DDX52: variants seen among roughly 807,000 people sequenced by gnomAD.
DDX52 encodes the protein DExD-box helicase 52.
DDX52 carries 59 observed loss-of-function variants against 76.1 expected under a neutral mutation model. That is an observed-to-expected ratio of 0.78 (90% confidence interval 0.63 to 0.96). The LOEUF is 0.96. Among genes scored for constraint, DDX52 ranks in the 40% least tolerant of loss-of-function variants. The pLI, the probability that DDX52 is intolerant of heterozygous loss-of-function variation, is 0.00. For missense variants in DDX52, 707 were observed against 703.9 expected, an observed-to-expected ratio of 1.00 and a Z score of -0.05; for synonymous variants, 231 against 244.1, an observed-to-expected ratio of 0.95 and a Z score of 0.50.
rs1272148178 is a variant in DDX52, at chr17:37,614,044, T to G, written c.*252A>C. On this transcript the variant is annotated 3_prime_UTR_variant, in exon 15 of 15. Coordinates refer to ENST00000617633, the MANE Select transcript of DDX52 (RefSeq NM_007010.5). ...TCAGGAGGCTAAGGCAGGAGGATTG[T>G]GTGAGGTCAGGAGTTCAAGACCAGC... 2.3e-5 allele frequency: 9 copies of G among 395,248 alleles called. No individual in the cohort carries two copies. Among genetic ancestry groups the G allele is most frequent in the Non-Finnish European group, 4.0e-5 (9 of 223,620 alleles). The allele number at this position is 395,248 out of a possible 1,614,324, so 24.5% of individuals were successfully genotyped here.
At chr17:37,638,013 A>G (rs1023334549) in intron 2 of DDX52, among the ~76,000 whole-genome samples, 24 of 152,254 alleles carry the variant, frequency 1.6e-4, no homozygotes, top group African/African-American at 5.5e-4. Flanking sequence ...TCAAGGTCCT[A>G]AAGCATTTCT....
intron 9 of DDX52, among the ~76,000 whole-genome samples, chr17:37,623,318 G>T (rs1018809512): frequency 6.6e-6 from 1 of 152,070 alleles, no homozygotes; most frequent in Non-Finnish European, 1.5e-5. Flanking sequence ...CCAGGTACTC[G>T]GGAGACTGAG....
chr17:37,639,321 T>C, intron 2 of DDX52: 1 of 867,994 alleles, frequency 1.2e-6, no homozygotes, highest in African/African-American at 1.8e-5. Flanking sequence ...TCTCATACCT[T>C]GCTGGAAGGC....
intron 2 of DDX52, among the ~76,000 whole-genome samples, chr17:37,641,422 C>G (rs1224252323): frequency 6.6e-6 from 1 of 151,478 alleles, no homozygotes; most frequent in Non-Finnish European, 1.5e-5. Context: ...AATGCTCGAC[C>G]TCACCAGTTA....
At chr17:37,616,299 C>A (rs1206409618) in intron 14 of DDX52, among the ~76,000 whole-genome samples, 1 of 152,144 alleles carries the variant, frequency 6.6e-6, no homozygotes, top group Non-Finnish European at 1.5e-5. Flanking sequence ...AGGTTCGCTA[C>A]CAATCCACTG....
chr17:37,614,013 A>G lies in DDX52; in HGVS notation c.*283T>C. ...TGCAGCAGCTTGTGCCTGTAATCTC[A>G]GTTACTCAGGAGGCTAAGGCAGGAG... On this transcript the variant is annotated 3_prime_UTR_variant, in exon 15 of 15. Transcript: ENST00000617633. The G allele has an allele frequency of 3.1e-6, 1 of 326,326 alleles. No individual in the cohort carries two copies. The highest frequency in any genetic ancestry group is 5.5e-6 in the Non-Finnish European group (1 of 180,824). The allele number at this position is 326,326 out of a possible 1,614,324, so 20.2% of individuals were successfully genotyped here.
chr17:37,633,904 A>G (rs1404792082), intron 2 of DDX52, among the ~76,000 whole-genome samples: 1 of 150,480 alleles, frequency 6.6e-6, no homozygotes, highest in Non-Finnish European at 1.5e-5. Context: ...CAGGGGATTA[A>G]TTGAAAAGCA....
intron 3 of DDX52, among the ~76,000 whole-genome samples, chr17:37,633,005 C>T (rs1309987410): frequency 2.6e-5 from 4 of 152,056 alleles, no homozygotes; most frequent in East Asian, 1.9e-4. Context: ...AAAGCAGTTA[C>T]GAAATTTTAA....
chr17:37,635,381 C>T (rs888731307), intron 2 of DDX52, among the ~76,000 whole-genome samples: 4 of 152,208 alleles, frequency 2.6e-5, no homozygotes, highest in African/African-American at 9.6e-5. Flanking sequence ...TCCATCACTC[C>T]ATGCATAGGC....
chr17:37,629,210 G>A (rs1483740025), intron 5 of DDX52, among the ~76,000 whole-genome samples: 3 of 147,280 alleles, frequency 2.0e-5, no homozygotes, highest in East Asian at 3.9e-4. Flanking sequence ...CACAGAGCAT[G>A]ACTGTCCCAA....
intron 14 of DDX52, 27 bp from the exon 15 acceptor site, chr17:37,614,380 G>A: frequency 6.3e-7 from 1 of 1,598,942 alleles, no homozygotes; most frequent in Non-Finnish European, 8.5e-7. Flanking sequence ...AAGAAAAATT[G>A]AATAAAAAAT....
At chr17:37,637,866 G>A (rs193081997) in intron 2 of DDX52, among the ~76,000 whole-genome samples, 6 of 152,254 alleles carry the variant, frequency 3.9e-5, no homozygotes, top group East Asian at 1.9e-4. Context: ...GAGCCACCAC[G>A]CCCAGCCTTC....
rs1056965157 is a variant in DDX52, at chr17:37,621,235, C to T, written c.1393G>A (p.Val465Ile). Residue 465 changes from valine to isoleucine, a missense_variant, in exon 11 of 15, where the codon GTT becomes ATT. Coordinates refer to ENST00000617633, the MANE Select transcript of DDX52 (RefSeq NM_007010.5). ...VHSFRAGKIW[V>I]LICTALLARG... ...GCTAGCAAGGCTGTACAAATCAGAA[C>T]CCAGATTTTTCCTGCTCTGAAACTG... The T allele has an allele frequency of 1.9e-6, 3 of 1,613,630 alleles. No homozygotes were observed. In the African/African-American group the frequency reaches 4.0e-5, roughly 22 times the overall value.
At chr17:37,623,197 T>C (rs1373157304) in intron 9 of DDX52, among the ~76,000 whole-genome samples, 1 of 152,234 alleles carries the variant, frequency 6.6e-6, no homozygotes, top group Non-Finnish European at 1.5e-5. Flanking sequence ...TTGGTTTCCT[T>C]ACTTTCCATC....
intron 14 of DDX52, 73 bp downstream of exon 14, chr17:37,618,219 A>G: frequency 3.4e-6 from 4 of 1,186,556 alleles, no homozygotes; most frequent in Admixed American, 2.6e-5. Context: ...CTAAAAATTT[A>G]CCTAAGGAAA....
In DDX52 at chr17:37,613,671, T is replaced by C. The variant is rs938632332; in HGVS notation, c.*625A>G. On this transcript the variant is annotated 3_prime_UTR_variant, in exon 15 of 15. Coordinates refer to ENST00000617633, the MANE Select transcript of DDX52 (RefSeq NM_007010.5). ...AAAAGGCCATCAACAAATTAGGAAA[T>C]ATTAAAATTAAGAGAGCAGCAGGTT... is the stretch of plus-strand genomic sequence containing the variant. The C allele has an allele frequency of 1.3e-5, 2 of 152,468 alleles. No homozygotes were observed. The highest frequency in any genetic ancestry group is 4.8e-5 in the African/African-American group (2 of 41,402). 9.4% of individuals were successfully genotyped at this position (152,468 alleles called of 1,614,324 possible).
chr17:37,633,389 T>C lies in DDX52; in HGVS notation c.316A>G (p.Ile106Val). Residue 106 changes from isoleucine (I) to valine (V), a missense_variant, in exon 3 of 15, where the codon ATA becomes GTA. Transcript: ENST00000617633. ...GCTTCTACAGATGACATCCACTGTA[T>C]AGTAGCACCTTCTTCTTGGGAAGCA... ...EIASQEEGAT[I>V]QWMSSVEAKI... 6.3e-7 allele frequency: 1 copy of C among 1,586,984 alleles called. No homozygotes were observed. The highest frequency in any genetic ancestry group is 8.5e-7 in the Non-Finnish European group (1 of 1,170,738).
At chr17:37,636,663 TAGA>T (rs1353175304) in intron 2 of DDX52, among the ~76,000 whole-genome samples, 2 of 152,312 alleles carry the variant, frequency 1.3e-5, no homozygotes, top group Non-Finnish European at 1.5e-5. Context: ...GAAGCTTCGG[TAGA>T]AGAATAGTGA....
In DDX52 at chr17:37,625,901, C is replaced by T. The variant is rs2030342784; in HGVS notation, c.1130G>A (p.Gly377Glu). The T allele has an allele frequency of 1.2e-6, 2 of 1,613,802 alleles. No individual in the cohort carries two copies. The highest frequency in any genetic ancestry group is 1.3e-5 in the African/African-American group (1 of 74,858). The stretch of plus-strand genomic sequence containing the variant: ...TTGAGAAACAATTAAATACCTTGCT[C>T]CAATGGACACACTGATGACATTGTC... ...NLDNVISVSI[G>E]ARNSAVETVE... Residue 377 changes from glycine (G) to glutamate (E), a missense_variant, in exon 8 of 15, where the codon GGA (glycine) becomes GAA (glutamate). Coordinates refer to ENST00000617633, the MANE Select transcript of DDX52 (RefSeq NM_007010.5).
Sources: gnomAD v4.1 joint callset for allele counts (sites outside exome capture counted in the v4.1 genomes callset) on GRCh38, gnomAD v4.1.1 for gene constraint, MANE v1.5 for transcripts, NCBI Gene and HGNC (gene_info 2026-07-23, HGNC 2026-07-21) for gene names.